The following IREB2 variants were observed in gnomAD, a reference collection of about 807,000 sequenced individuals.
The protein encoded by IREB2 is iron-responsive element-binding protein 2.
IREB2 carries 39 observed loss-of-function variants against 118.8 expected under a neutral mutation model. The ratio of observed to expected loss-of-function variants is 0.33; its 90% CI spans 0.25 to 0.43. The LOEUF (loss-of-function observed/expected upper bound fraction) is 0.43, where lower values mean the gene tolerates loss of function less well. Among genes scored for constraint, IREB2 ranks in the 20% least tolerant of loss-of-function variants. The pLI, the probability that IREB2 is intolerant of heterozygous loss-of-function variation, is 1.00. For synonymous variants in IREB2, 372 were observed against 392.2 expected, an observed-to-expected ratio of 0.95 and a Z score of 0.61; for missense variants, 900 against 1,147.3, an observed-to-expected ratio of 0.78 and a Z score of 3.11.
At chr15:78,486,575 A>T (rs1458519018) in intron 13 of IREB2, among the ~76,000 whole-genome samples, 1 of 152,204 alleles carries the variant, frequency 6.6e-6, no homozygotes, top group Non-Finnish European at 1.5e-5. Flanking sequence ...GCTGCACTCC[A>T]GCCTGGGCGA....
upstream of IREB2, among the ~76,000 whole-genome samples, chr15:78,437,961 G>C (rs572012121): frequency 2.0e-5 from 3 of 152,326 alleles, no homozygotes; most frequent in African/African-American, 7.2e-5. Context: ...GACCCCAATA[G>C]AAAACTTAAG....
At chr15:78,478,466 G>A (rs1050749124) in intron 10 of IREB2, 69 bp downstream of exon 10, 10 of 922,126 alleles carry the variant, frequency 1.1e-5, no homozygotes, top group Non-Finnish European at 1.8e-5. Context: ...GCTTTGAAAG[G>A]TTGGGGTGGG....
chr15:78,488,549 G>A (rs2141519670), intron 15 of IREB2, 98 bp from the exon 16 acceptor site: 1 of 1,238,918 alleles, frequency 8.1e-7, no homozygotes, highest in African/African-American at 1.5e-5. Context: ...GCACCCTGTT[G>A]AATCATTTAC....
rs192655096 is a variant in IREB2 at position 78,454,903 on chromosome 15, G to T, written c.107-8019G>T. On this transcript the variant is annotated intron_variant, in intron 2 of 21. Transcript: ENST00000258886. ...GAGATGATCTTGTTATGTTGCCCAG[G>T]TTGTCCGAATTCCTAGGGTCAAGTG... 1.1e-4 allele frequency among the ~76,000 whole-genome samples: 17 copies of T among 152,168 alleles called. No homozygotes were observed. The East Asian group carries it at 3.1e-3, about 28-fold the overall frequency.
chr15:78,463,029 A>G lies in IREB2; in HGVS notation c.214A>G (p.Lys72Glu). Residue 72 changes from lysine (K) to glutamate (E), a missense_variant, in exon 3 of 22, where the codon AAA becomes GAA. Transcript: ENST00000258886. ...DVMNILDWKT[K>E]QSNVEVPFFP... ...TATGAACATTTTAGACTGGAAAACC[A>G]AACAAAGCAATGTTGAAGTGCCCTT... is the stretch of plus-strand genomic sequence containing the variant. The G allele has an allele frequency of 6.2e-7, 1 of 1,612,686 alleles. No homozygotes were observed. The highest frequency in any genetic ancestry group is 8.5e-7 in the Non-Finnish European group (1 of 1,179,668).
rs78737189 is a variant in IREB2 at position 78,449,787 on chromosome 15, A to G, written c.106+9906A>G. Among the ~76,000 whole-genome samples the G allele has an allele frequency of 4.9e-4, 74 of 152,278 alleles. 2 individuals are homozygous for G. In the East Asian group the frequency reaches 0.014, roughly 29 times the overall value. Reference sequence around the variant, plus strand: ...TTCATCGGATGCTTCCCGTATACAAATAGCAGACCTCAGCATTTTTTTTTC... The same window carrying G: ...TTCATCGGATGCTTCCCGTATACAAGTAGCAGACCTCAGCATTTTTTTTTC... On this transcript the variant is annotated intron_variant, in intron 2 of 21. Coordinates refer to ENST00000258886, the MANE Select transcript of IREB2 (RefSeq NM_004136.4).
At chr15:78,487,707 T>G (rs1336470567) in intron 13 of IREB2, 26 bp from the exon 14 acceptor site, 2 of 1,259,642 alleles carry the variant, frequency 1.6e-6, no homozygotes, top group Middle Eastern at 3.7e-4. Context: ...GATGTGCTAT[T>G]CAGTCACTTT....
intron 20 of IREB2, among the ~76,000 whole-genome samples, chr15:78,496,913 A>G (rs2051846511): frequency 6.6e-6 from 1 of 152,214 alleles, no homozygotes; most frequent in Non-Finnish European, 1.5e-5. Flanking sequence ...GAGCAGCAGA[A>G]AGGGATCCGA....
chr15:78,461,541 C>T (rs1241858110), intron 2 of IREB2, among the ~76,000 whole-genome samples: 3 of 152,088 alleles, frequency 2.0e-5, no homozygotes, highest in African/African-American at 7.2e-5. Flanking sequence ...ATACTTTGAG[C>T]CTTAGGAGTT....
intron 13 of IREB2, among the ~76,000 whole-genome samples, chr15:78,486,138 A>C (rs370643645): frequency 2.4e-4 from 36 of 152,352 alleles, no homozygotes; most frequent in African/African-American, 8.4e-4. Flanking sequence ...GTTACAGTGT[A>C]AGAAACGATA....
intron 2 of IREB2, among the ~76,000 whole-genome samples, chr15:78,459,340 G>GT (rs146013239): frequency 0.23 from 35,481 of 151,674 alleles, 5,410 homozygotes; most frequent in Middle Eastern, 0.36. Context: ...TTGTTTGTTT[G>GT]TTTTGGTTTT....
chr15:78,449,796 C>T (rs923125431), intron 2 of IREB2, among the ~76,000 whole-genome samples: 1 of 152,042 alleles, frequency 6.6e-6, no homozygotes, highest in Non-Finnish European at 1.5e-5. Flanking sequence ...AATAGCAGAC[C>T]TCAGCATTTT....
At chr15:78,490,304 TTTTG>T in intron 16 of IREB2, 114 bp from the exon 17 acceptor site, 1 of 592,278 alleles carries the variant, frequency 1.7e-6, no homozygotes, top group Non-Finnish European at 3.0e-6. Flanking sequence ...TAAGGCCTAT[TTTTG>T]TTGTTGTTGT....
chr15:78,437,451 G>T (rs1035091926), upstream of IREB2: 1 of 152,486 alleles, frequency 6.6e-6, no homozygotes. Context: ...AACCAGTCAA[G>T]ATTGAGATAT....
intron 13 of IREB2, among the ~76,000 whole-genome samples, chr15:78,486,583 C>T (rs1368823153): frequency 2.0e-5 from 3 of 151,592 alleles, no homozygotes; most frequent in Non-Finnish European, 2.9e-5. Context: ...CCAGCCTGGG[C>T]GACAGAGCGA....
rs997870925 is a variant in IREB2, at chr15:78,484,757, A to G, written c.1414-4A>G. The G allele has an allele frequency of 4.4e-6, 7 of 1,608,622 alleles. No homozygotes were observed. Among genetic ancestry groups the G allele is most frequent in the African/African-American group, 4.0e-5 (3 of 74,768 alleles). On this transcript the variant is annotated splice_polypyrimidine_tract_variant and splice_region_variant and intron_variant, in intron 11 of 21. Transcript: ENST00000258886. ...AGTTTATATTTTTGTGGAAATTTGT[A>G]TAGGTTGGATTTAAAGGCTTCCAAA...
At position 78,489,222 on chromosome 15, in the gene IREB2, CAA is replaced by C. The variant is rs5813920; in HGVS notation, c.2076+466_2076+467del. Among the ~76,000 whole-genome samples the C allele has an allele frequency of 9.7e-4, 117 of 120,758 alleles. 1 individual carries two copies. Among genetic ancestry groups the C allele is most frequent in the Admixed American group, 5.7e-4 (7 of 12,302 alleles). The allele number at this position is 120,758 out of a possible 152,430, so 79.2% of individuals were successfully genotyped here. ...GGGCAACAAGAGTGCAACTCTGTCT[CAA>C]AAAAAAAAAAAAAAGAAAGAAAATG... is the stretch of plus-strand genomic sequence containing the variant. On this transcript the variant is annotated intron_variant, in intron 16 of 21. Transcript: ENST00000258886.
In IREB2 at chr15:78,465,348, C is replaced by T; in HGVS notation, c.370C>T (p.Leu124Phe). Residue 124 changes from leucine (L) to phenylalanine (F), a missense_variant, in exon 4 of 22, where the codon CTT becomes TTT. Transcript: ENST00000258886. The part of the protein sequence containing the change: ...EKVHPACPTD[L>F]TVDHSLQIDF... ...AGTCCATCCTGCTTGTCCGACAGAT[C>T]TTACAGTTGACCATTCTTTACAAAT... is the stretch of plus-strand genomic sequence containing the variant. The T allele has an allele frequency of 1.9e-6, 3 of 1,613,460 alleles. No homozygotes were observed. Among genetic ancestry groups the T allele is most frequent in the Non-Finnish European group, 2.5e-6 (3 of 1,179,736 alleles).
rs766300326 is a variant in IREB2, at chr15:78,471,933, A to G, written c.883+9A>G. On this transcript the variant is annotated intron_variant, in intron 7 of 21. Transcript: ENST00000258886. ...AGGGATTCTGGGGTGGGGTAAGTAA[A>G]TGACTAAATATATTTCATTTCTTTT... is the stretch of plus-strand genomic sequence containing the variant. 1 of 1,524,636 alleles carries G rather than the reference A, an allele frequency of 6.6e-7. No individual in the cohort carries two copies. 94.4% of individuals were successfully genotyped at this position (1,524,636 alleles called of 1,614,324 possible).
Sources: gnomAD v4.1 joint callset for allele counts (sites outside exome capture counted in the v4.1 genomes callset) on GRCh38, gnomAD v4.1.1 for gene constraint, MANE v1.5 for transcripts, NCBI Gene and HGNC (gene_info 2026-07-23, HGNC 2026-07-21) for gene names.